Variants in LCORL observed in about 807,000 individuals in gnomAD.
The protein encoded by LCORL is ligand dependent nuclear receptor corepressor like, also known as ligand-dependent nuclear receptor corepressor-like protein.
In LCORL, 41 loss-of-function variants were observed where a neutral mutation model predicts 141.8. The ratio of observed to expected loss-of-function variants is 0.29; its 90% confidence interval spans 0.23 to 0.38. The LOEUF (loss-of-function observed/expected upper bound fraction) is 0.38, where lower values mean the gene tolerates loss of function less well. Among genes scored for constraint, LCORL ranks in the 10% least tolerant of loss-of-function variants. The pLI is 1.00. For synonymous variants in LCORL, 618 were observed against 694.1 expected (o/e 0.89, Z 1.72); for missense variants, 1,759 against 2,035.0 (o/e 0.86, Z 2.61).
Position 17,888,674 on chromosome 4 carries a change from T to A in LCORL, c.683-2513A>T, listed in dbSNP as rs151063154. ...AATCTTTTTCTCCCATGAGACTGAA[T>A]CCCTCAGGGTTCAGGATCTTGACTT... On this transcript the variant is annotated intron_variant, in intron 5 of 7. Coordinates refer to ENST00000635767, the Ensembl canonical transcript of LCORL. 2.4e-3 allele frequency among the ~76,000 whole-genome samples: 369 copies of A among 152,282 alleles called. 1 individual carries two copies. The highest frequency in any genetic ancestry group is 7.9e-3 in the African/African-American group (330 of 41,578).
intron 1 of LCORL, among the ~76,000 whole-genome samples, chr4:17,990,618 T>G (rs1719825753): frequency 6.6e-6 from 1 of 151,722 alleles, no homozygotes; most frequent in African/African-American, 2.4e-5. Flanking sequence ...TGGCTATAAA[T>G]TCACATATTA....
At chr4:18,020,267 G>A (rs1036870888) in intron 1 of LCORL, among the ~76,000 whole-genome samples, 1 of 152,176 alleles carries the variant, frequency 6.6e-6, no homozygotes, top group Admixed American at 6.5e-5. Flanking sequence ...AGGCGGGGTC[G>A]GGGGTGCGAG....
chr4:17,994,811 A>AT (rs11430330), intron 1 of LCORL, among the ~76,000 whole-genome samples: 36,652 of 151,362 alleles, frequency 0.24, 5,790 homozygotes, highest in African/African-American at 0.44. Context: ...AATTTATGTG[A>AT]TTTTTTTATT....
intron 7 of LCORL, among the ~76,000 whole-genome samples, chr4:17,859,173 T>C (rs1207880741): frequency 1.3e-5 from 2 of 152,198 alleles, no homozygotes; most frequent in Non-Finnish European, 2.9e-5. Flanking sequence ...CAACATTTTA[T>C]TGTAAAATAG....
intron 1 of LCORL, among the ~76,000 whole-genome samples, chr4:17,998,964 CAAAA>C (rs775544332): frequency 0.018 from 808 of 44,694 alleles, 23 homozygotes; most frequent in African/African-American, 0.077. Context: ...GACCCTGTCT[CAAAA>C]AAAAAAAAAA....
chr4:17,999,314 C>T (rs371254538), intron 1 of LCORL, among the ~76,000 whole-genome samples: 2 of 151,824 alleles, frequency 1.3e-5, no homozygotes, highest in South Asian at 2.1e-4. Flanking sequence ...ATTAGCCGGG[C>T]GTGGTGGTGG....
At chr4:17,968,182 T>C (rs1430136517) in intron 2 of LCORL, among the ~76,000 whole-genome samples, 1 of 152,164 alleles carries the variant, frequency 6.6e-6, no homozygotes, top group Admixed American at 6.6e-5. Flanking sequence ...TTTATTGACA[T>C]TACTTTTTAA....
intron 4 of LCORL, among the ~76,000 whole-genome samples, chr4:17,910,668 T>C (rs925504830): frequency 6.6e-6 from 1 of 152,162 alleles, no homozygotes; most frequent in African/African-American, 2.4e-5. Context: ...AATACACTAT[T>C]TGGAGGTGAG....
intron 6 of LCORL, chr4:17,881,192 T>C: frequency 1.0e-6 from 1 of 981,230 alleles, no homozygotes; most frequent in South Asian, 4.7e-5. Flanking sequence ...TTGAGGAACA[T>C]TCAAATAAGT....
rs150187686 is a variant in LCORL at position 17,971,727 on chromosome 4, T to C, written c.220+1093A>G. ...AAGCATTAGATTTTATCATTAAAAA[T>C]ACTTTCAATCTGATAGTAAACTTGT... On this transcript the variant is annotated intron_variant, in intron 2 of 7. Coordinates refer to ENST00000635767, the Ensembl canonical transcript of LCORL. Among the ~76,000 whole-genome samples, 3 of 151,946 alleles carry C rather than the reference T, an allele frequency of 2.0e-5. No homozygotes were observed. In the East Asian group the frequency reaches 5.8e-4, roughly 29 times the overall value.
intron 1 of LCORL, among the ~76,000 whole-genome samples, chr4:18,005,079 A>T (rs1722578333): frequency 6.6e-6 from 1 of 151,930 alleles, no homozygotes; most frequent in South Asian, 2.1e-4. Flanking sequence ...CACCACACCC[A>T]GCTAATTTTT....
intron 4 of LCORL, among the ~76,000 whole-genome samples, chr4:17,948,451 C>T (rs535446430): frequency 2.4e-4 from 36 of 152,058 alleles, no homozygotes; most frequent in African/African-American, 7.5e-4. Flanking sequence ...CATATTTTAA[C>T]GGAGGAGACA....
chr4:18,012,026 G>T (rs558583182), intron 1 of LCORL, among the ~76,000 whole-genome samples: 1 of 152,220 alleles, frequency 6.6e-6, no homozygotes, highest in East Asian at 1.9e-4. Flanking sequence ...TAAGCTTTTT[G>T]AACCACACCA....
exon 7 of LCORL, chr4:17,876,699 T>C (rs1726960603): frequency 1.6e-6 from 2 of 1,230,836 alleles, no homozygotes; most frequent in Non-Finnish European, 2.0e-6. Context: ...TCCAGAAACA[T>C]CATTTCTCAA....
exon 7 of LCORL, chr4:17,874,414 C>A: frequency 8.1e-7 from 1 of 1,233,768 alleles, no homozygotes. Flanking sequence ...GGGTTTCGGG[C>A]ATTTGCTTTT....
intron 5 of LCORL, among the ~76,000 whole-genome samples, chr4:17,902,639 C>T (rs910458984): frequency 1.3e-5 from 2 of 152,066 alleles, no homozygotes; most frequent in Non-Finnish European, 2.9e-5. Flanking sequence ...GTAACACCTA[C>T]CTTAATCACA....
At chr4:17,886,690 T>C (rs890398197) in intron 5 of LCORL, among the ~76,000 whole-genome samples, 1 of 152,098 alleles carries the variant, frequency 6.6e-6, no homozygotes, top group Non-Finnish European at 1.5e-5. Context: ...TTTTAAATTA[T>C]TGAACTATAC....
chr4:18,015,437 C>A lies in LCORL; in HGVS notation c.154+6161G>T, dbSNP rs561562274. Among the ~76,000 whole-genome samples, 18 of 152,232 alleles carry A rather than the reference C, an allele frequency of 1.2e-4. No homozygotes were observed. In the South Asian group the frequency reaches 3.1e-3, roughly 26 times the overall value. Reference sequence around the variant, plus strand: ...AAAGATCCAAGAGTACAGAGAACTTCAAAATTTGCATGCAAAATTCATCAA... The same window carrying A: ...AAAGATCCAAGAGTACAGAGAACTTAAAAATTTGCATGCAAAATTCATCAA... On this transcript the variant is annotated intron_variant, in intron 1 of 7. Transcript: ENST00000635767.
intron 4 of LCORL, chr4:17,912,132 GGACAATGCCCGCATTGTTCTGCAGATC>G (rs1235930743): frequency 1.1e-6 from 1 of 951,238 alleles, no homozygotes; most frequent in Non-Finnish European, 1.7e-6. Context: ...CAAATACTGT[GGACAATGCCCGCATTGTTCTGCAGATC>G]GACAATGCCC....
Sources: allele counts gnomAD v4.1 joint callset (sites outside exome capture counted in the v4.1 genomes callset), GRCh38; gene constraint gnomAD v4.1.1; transcripts MANE v1.5; gene names NCBI Gene and HGNC (gene_info 2026-07-23, HGNC 2026-07-21).